NRXN1: variants seen among roughly 807,000 people sequenced by gnomAD.
The protein encoded by NRXN1 is neurexin 1.
A neutral mutation model predicts 150.9 loss-of-function variants in NRXN1; 39 were observed. The observed-to-expected ratio is 0.26, with a 90% CI of 0.20 to 0.34. The LOEUF is 0.34. Among genes scored for constraint, NRXN1 ranks in the 10% least tolerant of loss-of-function variants. The pLI, the probability that NRXN1 is intolerant of heterozygous loss-of-function variation, is 1.00. For synonymous variants in NRXN1, 924 were observed against 757.0 expected, an observed-to-expected ratio of 1.22 and a Z score of -3.62; for missense variants, 1,815 against 1,949.9, an observed-to-expected ratio of 0.93 and a Z score of 1.30.
At chr2:50,223,138 T>C (rs2064032654) in intron 18 of NRXN1, among the ~76,000 whole-genome samples, 1 of 151,868 alleles carries the variant, frequency 6.6e-6, no homozygotes, top group African/African-American at 2.4e-5. Context: ...CTCACTAGTC[T>C]ATTGAATCTA....
intron 5 of NRXN1, among the ~76,000 whole-genome samples, chr2:50,840,489 A>G (rs1270928956): frequency 6.6e-6 from 1 of 152,156 alleles, no homozygotes; most frequent in Non-Finnish European, 1.5e-5. Context: ...AGAGATTATG[A>G]CAATGAAAAG....
intron 17 of NRXN1, among the ~76,000 whole-genome samples, chr2:50,241,998 TCATAA>T (rs2066044746): frequency 6.6e-6 from 1 of 151,844 alleles, no homozygotes; most frequent in Non-Finnish European, 1.5e-5. Flanking sequence ...AGCTTCTAAC[TCATAA>T]CATAAGTATA....
At chr2:49,942,434 C>A (rs1302016957) in intron 22 of NRXN1, among the ~76,000 whole-genome samples, 1 of 151,994 alleles carries the variant, frequency 6.6e-6, no homozygotes, top group Non-Finnish European at 1.5e-5. Context: ...CTCTAAAGAG[C>A]GGATTTACTC....
At chr2:50,953,797 G>A (rs1405639209) in intron 2 of NRXN1, among the ~76,000 whole-genome samples, 1 of 152,040 alleles carries the variant, frequency 6.6e-6, no homozygotes, top group Non-Finnish European at 1.5e-5. Flanking sequence ...CTGACCTCAG[G>A]TGATCCACCT....
intron 2 of NRXN1, among the ~76,000 whole-genome samples, chr2:51,003,072 CACTT>C (rs1187997644): frequency 1.3e-5 from 2 of 151,834 alleles, no homozygotes; most frequent in African/African-American, 2.4e-5. Flanking sequence ...TAGGAGGAAA[CACTT>C]AACTTATTAC....
intron 17 of NRXN1, among the ~76,000 whole-genome samples, chr2:50,378,219 T>C (rs900774689): frequency 4.6e-5 from 7 of 152,164 alleles, no homozygotes; most frequent in African/African-American, 1.7e-4. Flanking sequence ...TTGGGGTGAT[T>C]TTCATAGGCA....
intron 18 of NRXN1, among the ~76,000 whole-genome samples, chr2:50,141,506 A>G (rs1385548017): frequency 2.0e-5 from 3 of 152,066 alleles, no homozygotes; most frequent in Admixed American, 2.0e-4. Flanking sequence ...GAAAAAATCA[A>G]TAGAATGAAG....
intron 5 of NRXN1, chr2:50,918,642 T>C (rs769284164): frequency 2.7e-5 from 10 of 368,578 alleles, no homozygotes; most frequent in African/African-American, 4.2e-5. Flanking sequence ...GCCATTAAAG[T>C]AAAATATAAA....
At chr2:50,042,245 C>T (rs1184330025) in intron 21 of NRXN1, among the ~76,000 whole-genome samples, 2 of 152,110 alleles carry the variant, frequency 1.3e-5, no homozygotes, top group Non-Finnish European at 2.9e-5. Context: ...ACCCAAATCT[C>T]ATCTTGAATT....
intron 17 of NRXN1, among the ~76,000 whole-genome samples, chr2:50,351,021 T>C (rs1376790979): frequency 6.6e-6 from 1 of 152,158 alleles, no homozygotes; most frequent in Non-Finnish European, 1.5e-5. Flanking sequence ...TCTGTCTAGA[T>C]AGTGTAGAAA....
intron 17 of NRXN1, among the ~76,000 whole-genome samples, chr2:50,437,676 C>A (rs1253500069): frequency 7.9e-5 from 12 of 151,710 alleles, no homozygotes; most frequent in Non-Finnish European, 2.9e-5. Context: ...TTCCTACTAA[C>A]TACTTCATGA....
chr2:50,680,994 T>C (rs1421480154), intron 5 of NRXN1, among the ~76,000 whole-genome samples: 1 of 152,178 alleles, frequency 6.6e-6, no homozygotes, highest in African/African-American at 2.4e-5. Flanking sequence ...AAAAAAATTC[T>C]GTGTCTTCAC....
chr2:50,622,007 T>A (rs1680112430), intron 6 of NRXN1, among the ~76,000 whole-genome samples: 1 of 152,132 alleles, frequency 6.6e-6, no homozygotes, highest in Non-Finnish European at 1.5e-5. Context: ...CTTCTGTGCT[T>A]CTCTCAAATG....
chr2:50,273,095 T>C (rs1382845336), intron 17 of NRXN1, among the ~76,000 whole-genome samples: 1 of 152,044 alleles, frequency 6.6e-6, no homozygotes, highest in East Asian at 1.9e-4. Context: ...GAAAGATCAA[T>C]GAAAACGACA....
intron 5 of NRXN1, chr2:50,637,518 A>G (rs1683404305): frequency 6.6e-6 from 1 of 152,248 alleles, no homozygotes; most frequent in African/African-American, 2.4e-5. Context: ...ACTTGAGGTA[A>G]CTCACAGAAT....
chr2:50,395,178 A>G (rs958429102), intron 17 of NRXN1, among the ~76,000 whole-genome samples: 1 of 151,792 alleles, frequency 6.6e-6, no homozygotes, highest in Non-Finnish European at 1.5e-5. Flanking sequence ...TAAGAATTCT[A>G]TTTTGTTTAC....
chr2:51,017,245 A>G (rs1322289521), intron 2 of NRXN1, among the ~76,000 whole-genome samples: 1 of 152,044 alleles, frequency 6.6e-6, no homozygotes, highest in African/African-American at 2.4e-5. Flanking sequence ...CCGGAACTTA[A>G]AGTATAATTT....
intron 17 of NRXN1, among the ~76,000 whole-genome samples, chr2:50,240,753 T>G (rs374381785): frequency 2.6e-5 from 4 of 151,706 alleles, no homozygotes; most frequent in African/African-American, 9.7e-5. Context: ...AAGATGGGGA[T>G]AGCAACACTA....
chr2:50,091,897 G>A (rs927481021), intron 18 of NRXN1, among the ~76,000 whole-genome samples: 1 of 152,190 alleles, frequency 6.6e-6, no homozygotes, highest in African/African-American at 2.4e-5. Flanking sequence ...GAGCAATGAT[G>A]TCTGTTTAGA....
Sources: gnomAD v4.1 joint callset for allele counts (sites outside exome capture counted in the v4.1 genomes callset) on GRCh38, gnomAD v4.1.1 for gene constraint, MANE v1.5 for transcripts, NCBI Gene and HGNC (gene_info 2026-07-23, HGNC 2026-07-21) for gene names.